GYPE: variants seen among roughly 807,000 people sequenced by gnomAD.
GYPE encodes the protein glycophorin E (MNS blood group), also known as glycophorin-E.
A neutral mutation model predicts 11.6 loss-of-function variants in GYPE; 8 were observed. That is an observed-to-expected ratio of 0.69 (90% CI 0.41 to 1.25). The LOEUF (loss-of-function observed/expected upper bound fraction) is 1.25. Ranked by LOEUF, GYPE falls within the 50% of genes most tolerant of loss-of-function variation. GYPE has a pLI of 0.01. For missense variants in GYPE, 90 were observed against 92.8 expected (o/e 0.97, Z 0.12); for synonymous variants, 28 against 29.6 (o/e 0.94, Z 0.18).
intron 2 of GYPE, 67 bp downstream of exon 2, chr4:143,880,344 C>A: frequency 1.3e-6 from 2 of 1,592,986 alleles, no homozygotes; most frequent in Non-Finnish European, 1.7e-6. Context: ...GACAGGTCCC[C>A]TAAAATAGGG....
At chr4:143,901,835 C>T (rs1201021945) in intron 1 of GYPE, among the ~76,000 whole-genome samples, 1 of 151,978 alleles carries the variant, frequency 6.6e-6, no homozygotes, top group Non-Finnish European at 1.5e-5. Context: ...TTTAAAATCA[C>T]TACGAAGTAA....
At chr4:143,890,611 T>C (rs1744367918) in intron 1 of GYPE, among the ~76,000 whole-genome samples, 1 of 152,194 alleles carries the variant, frequency 6.6e-6, no homozygotes, top group Non-Finnish European at 1.5e-5. Flanking sequence ...CGAAAACAAC[T>C]GCTCCAGTTG....
At chr4:143,880,023 A>G (rs1358224395) in intron 2 of GYPE, among the ~76,000 whole-genome samples, 2 of 152,162 alleles carry the variant, frequency 1.3e-5, no homozygotes, top group Non-Finnish European at 2.9e-5. Context: ...AATGGGATAG[A>G]AACCCTGCAG....
intron 2 of GYPE, among the ~76,000 whole-genome samples, chr4:143,877,891 T>C (rs1030836525): frequency 1.4e-5 from 2 of 147,684 alleles, no homozygotes; most frequent in African/African-American, 2.5e-5. Flanking sequence ...AGTGGTTGCA[T>C]TGGGCCAAAA....
At chr4:143,878,827 A>T (rs533403164) in intron 2 of GYPE, 55 of 363,166 alleles carry the variant, frequency 1.5e-4, no homozygotes, top group Admixed American at 7.0e-4. Flanking sequence ...AGTAAAATTT[A>T]TGAGGGAATG....
At chr4:143,879,252 T>C (rs969505560) in intron 2 of GYPE, among the ~76,000 whole-genome samples, 2 of 152,318 alleles carry the variant, frequency 1.3e-5, no homozygotes, top group South Asian at 2.1e-4. Context: ...AGTCCACATC[T>C]TACTTATGTC....
At chr4:143,891,512 T>G (rs916175267) in intron 1 of GYPE, among the ~76,000 whole-genome samples, 9 of 151,676 alleles carry the variant, frequency 5.9e-5, no homozygotes, top group African/African-American at 2.2e-4. Flanking sequence ...GTATTTTTAG[T>G]AGAGATGGGG....
chr4:143,893,637 C>T (rs948001642), intron 1 of GYPE, among the ~76,000 whole-genome samples: 15 of 152,220 alleles, frequency 9.9e-5, no homozygotes, highest in Middle Eastern at 3.4e-3. Context: ...TGAATATTGG[C>T]CCCCGCTCTC....
chr4:143,895,118 C>G (rs1157184869), intron 1 of GYPE, among the ~76,000 whole-genome samples: 1 of 152,160 alleles, frequency 6.6e-6, no homozygotes, highest in Non-Finnish European at 1.5e-5. Flanking sequence ...CCCTCTCTCA[C>G]CACTCCTATT....
intron 1 of GYPE, among the ~76,000 whole-genome samples, chr4:143,883,553 T>TAA (rs1560941744): frequency 4.5e-4 from 16 of 35,866 alleles, no homozygotes; most frequent in South Asian, 7.4e-4. Context: ...TATAAATTAA[T>TAA]TTATAATTAT....
intron 1 of GYPE, among the ~76,000 whole-genome samples, chr4:143,880,889 A>G (rs1014361744): frequency 1.1e-4 from 17 of 152,136 alleles, no homozygotes; most frequent in African/African-American, 3.9e-4. Context: ...TTGGCACATA[A>G]AGAGCATTAC....
chr4:143,881,604 C>A (rs530616307), intron 1 of GYPE, among the ~76,000 whole-genome samples: 66 of 152,264 alleles, frequency 4.3e-4, no homozygotes, highest in African/African-American at 1.6e-3. Flanking sequence ...TAATATGCCA[C>A]AGATATCCCT....
At chr4:143,883,345 C>G (rs1744113917) in intron 1 of GYPE, among the ~76,000 whole-genome samples, 1 of 151,936 alleles carries the variant, frequency 6.6e-6, no homozygotes, top group Non-Finnish European at 1.5e-5. Flanking sequence ...CCTGCAGAAC[C>G]ATGAGGCAAT....
chr4:143,897,055 C>T (rs1304078250), intron 1 of GYPE, among the ~76,000 whole-genome samples: 1 of 151,922 alleles, frequency 6.6e-6, no homozygotes, highest in Non-Finnish European at 1.5e-5. Flanking sequence ...ATACCTAATG[C>T]TAAATGACGA....
intron 3 of GYPE, among the ~76,000 whole-genome samples, chr4:143,872,609 T>C (rs1743654579): frequency 6.6e-6 from 1 of 152,052 alleles, no homozygotes; most frequent in Admixed American, 6.6e-5. Context: ...CCTATTTCAT[T>C]CAATGAAATT....
intron 3 of GYPE, among the ~76,000 whole-genome samples, chr4:143,872,580 G>A (rs28734503): frequency 2.8e-4 from 43 of 151,776 alleles, no homozygotes; most frequent in African/African-American, 9.7e-4. Context: ...GCTGCTTTGC[G>A]TTGGGTAGGC....
chr4:143,892,003 A>C (rs1744427267), intron 1 of GYPE, among the ~76,000 whole-genome samples: 1 of 152,186 alleles, frequency 6.6e-6, no homozygotes, highest in African/African-American at 2.4e-5. Context: ...TTATTGGTCC[A>C]TTCAGAGATT....
At chr4:143,903,068 T>G (rs1400956600) in intron 1 of GYPE, among the ~76,000 whole-genome samples, 4 of 142,440 alleles carry the variant, frequency 2.8e-5, no homozygotes, top group African/African-American at 1.2e-4. Flanking sequence ...GTTGGCTCCA[T>G]TCTCCTTGTT....
At chr4:143,904,901 T>C (rs1191255168) in intron 1 of GYPE, among the ~76,000 whole-genome samples, 4 of 152,186 alleles carry the variant, frequency 2.6e-5, no homozygotes, top group African/African-American at 9.7e-5. Context: ...TTTATTTTAA[T>C]GGATTTAAAT....
Sources: gnomAD v4.1 joint callset for allele counts (sites outside exome capture counted in the v4.1 genomes callset) on GRCh38, gnomAD v4.1.1 for gene constraint, MANE v1.5 for transcripts, NCBI Gene and HGNC (gene_info 2026-07-23, HGNC 2026-07-21) for gene names.